Variants in AR observed in about 807,000 individuals in gnomAD.
AR encodes dihydrotestosterone receptor.
Under a neutral mutation model 53.9 loss-of-function variants are expected in AR, and 8 were observed. That is an observed-to-expected ratio of 0.15 (90% CI 0.09 to 0.27). The LOEUF is 0.27. Ranked by LOEUF, AR falls within the 10% of genes least tolerant of loss-of-function variation. AR has a pLI of 1.00. For missense variants in AR, 639 were observed against 742.5 expected, an observed-to-expected ratio of 0.86 and a Z score of 1.62; for synonymous variants, 359 against 316.4, an observed-to-expected ratio of 1.13 and a Z score of -1.43.
intron 1 of AR, among the ~76,000 whole-genome samples, chrX:67,588,912 A>G (rs988093311): frequency 7.1e-5 from 8 of 112,092 alleles, no homozygotes; most frequent in Non-Finnish European, 1.3e-4. Context: ...AAACTACAAT[A>G]ACACTCTGGG....
intron 1 of AR, among the ~76,000 whole-genome samples, chrX:67,589,269 CAAA>C (rs773313820): frequency 2.4e-5 from 1 of 41,131 alleles, no homozygotes; most frequent in Admixed American, 3.1e-4. Flanking sequence ...GACTCCGTCT[CAAA>C]AAAAAAAAAA....
chrX:67,646,730 C>A, intron 2 of AR, among the ~76,000 whole-genome samples: 1 of 111,078 alleles, frequency 9.0e-6, no homozygotes, highest in Middle Eastern at 4.7e-3. Context: ...TGTAAAACAA[C>A]GGACTTGAAC....
rs1449124242 is a variant in AR, at chrX:67,725,802, G to A, written c.*1961G>A. The A allele has an allele frequency of 5.7e-6, 1 of 175,747 alleles. No homozygotes were observed. Among genetic ancestry groups the A allele is most frequent in the East Asian group, 8.0e-5 (1 of 12,447 alleles). 14.5% of individuals were successfully genotyped at this position (175,747 alleles called of 1,213,427 possible). ...CTTTCGGAAAGGTCTGGTTGGTGTG[G>A]CTCCAATACTTTGCCACCCATGAAC... On this transcript the variant is annotated 3_prime_UTR_variant, in exon 8 of 8. Transcript: ENST00000374690.
At position 67,726,667 on chromosome X, in the gene AR, T is replaced by C. The variant is rs2076158809; in HGVS notation, c.*2826T>C. The stretch of plus-strand genomic sequence containing the variant: ...CACAAGCCTTTAGGCCTACTCTTTC[T>C]GTGCTTGGGTTTGAGTGAACAAAGG... On this transcript the variant is annotated 3_prime_UTR_variant, in exon 8 of 8. Coordinates refer to ENST00000374690, the MANE Select transcript of AR (RefSeq NM_000044.6). 5.7e-6 allele frequency: 1 copy of C among 174,834 alleles called. No homozygotes were observed. The highest frequency in any genetic ancestry group is 3.1e-4 in the South Asian group (1 of 3,244). 14.4% of individuals were successfully genotyped at this position (174,834 alleles called of 1,213,427 possible).
chrX:67,719,312 G>A (rs2076126342), intron 5 of AR, among the ~76,000 whole-genome samples: 1 of 112,137 alleles, frequency 8.9e-6, no homozygotes, highest in African/African-American at 3.2e-5. Context: ...AACCCCTGCT[G>A]CCCTTAAGCA....
At chrX:67,571,747 C>G (rs143979733) in intron 1 of AR, among the ~76,000 whole-genome samples, 1 of 109,733 alleles carries the variant, frequency 9.1e-6, no homozygotes, top group Non-Finnish European at 1.9e-5. Flanking sequence ...ATTGACATGA[C>G]AAAATTAAGT....
In AR at chrX:67,707,509, C is replaced by A. The variant is rs139129714; in HGVS notation, c.1886-3893C>A. 7.4e-3 allele frequency among the ~76,000 whole-genome samples: 822 copies of A among 111,586 alleles called. 5 individuals carry two copies. Among genetic ancestry groups the A allele is most frequent in the Non-Finnish European group, 0.011 (600 of 53,112 alleles). ...TTTGCTTGGTAGATCTTCCTCCATCCCTTTGTTTTGAGCCTATATGTGTCT... is the reference window on the plus strand; with the variant it reads ...TTTGCTTGGTAGATCTTCCTCCATCACTTTGTTTTGAGCCTATATGTGTCT... On this transcript the variant is annotated intron_variant, in intron 3 of 7. Coordinates refer to ENST00000374690, the MANE Select transcript of AR (RefSeq NM_000044.6).
chrX:67,673,369 G>C (rs201823717), intron 2 of AR, among the ~76,000 whole-genome samples: 3 of 97,604 alleles, frequency 3.1e-5, no homozygotes, highest in East Asian at 3.2e-4. Flanking sequence ...TTCTCTCTCT[G>C]TCTCTCTCTC....
intron 1 of AR, among the ~76,000 whole-genome samples, chrX:67,593,037 C>G (rs1159626507): frequency 8.9e-6 from 1 of 111,923 alleles, no homozygotes; most frequent in African/African-American, 3.3e-5. Flanking sequence ...CTGTTCTAAC[C>G]CTATCTACTT....
chrX:67,640,208 A>G (rs1200876298), intron 1 of AR, among the ~76,000 whole-genome samples: 1 of 111,105 alleles, frequency 9.0e-6, no homozygotes. Context: ...GTGCTGCTGG[A>G]TTGGGTTTGC....
intron 3 of AR, chrX:67,689,616 A>ATC: frequency 1.0e-6 from 1 of 962,421 alleles, no homozygotes; most frequent in Non-Finnish European, 1.3e-6. Context: ...TGGCTTCCTT[A>ATC]AAGACTACCT....
intron 1 of AR, among the ~76,000 whole-genome samples, chrX:67,594,748 G>A (rs1338386355): frequency 1.8e-5 from 2 of 111,618 alleles, no homozygotes; most frequent in Non-Finnish European, 3.8e-5. Context: ...AGGAGTTTAA[G>A]ACCAGCCTGG....
intron 3 of AR, among the ~76,000 whole-genome samples, chrX:67,688,435 C>T (rs181627676): frequency 6.3e-4 from 70 of 111,407 alleles, no homozygotes; most frequent in South Asian, 4.1e-3. Context: ...TAGCAAAATG[C>T]TAGACAAATA....
chrX:67,586,108 A>G (rs765370079), intron 1 of AR, among the ~76,000 whole-genome samples: 1 of 111,791 alleles, frequency 8.9e-6, no homozygotes, highest in African/African-American at 3.2e-5. Context: ...TGAATTACTC[A>G]GGATGAAATT....
chrX:67,648,355 G>T (rs2147443631), intron 2 of AR, among the ~76,000 whole-genome samples: 1 of 111,411 alleles, frequency 9.0e-6, no homozygotes, highest in Admixed American at 9.6e-5. Flanking sequence ...AACTATATAT[G>T]AATGAACTTT....
chrX:67,604,834 A>G (rs1240676027), intron 1 of AR, among the ~76,000 whole-genome samples: 4 of 111,890 alleles, frequency 3.6e-5, no homozygotes, highest in African/African-American at 1.3e-4. Context: ...TCTGAATGAC[A>G]CCTTCTCCCA....
chrX:67,708,281 A>G (rs991485222), intron 3 of AR, among the ~76,000 whole-genome samples: 12 of 111,495 alleles, frequency 1.1e-4, no homozygotes, highest in East Asian at 2.8e-4. Context: ...AGGTACACCA[A>G]TCAGATGTAG....
At chrX:67,685,800 A>G (rs1044217047) in intron 2 of AR, 4 of 500,690 alleles carry the variant, frequency 8.0e-6, no homozygotes, top group Non-Finnish European at 9.4e-6. Context: ...CCCTAAAAAA[A>G]ACACCAATGG....
At chrX:67,701,718 A>G (rs2076043379) in intron 3 of AR, among the ~76,000 whole-genome samples, 1 of 110,996 alleles carries the variant, frequency 9.0e-6, no homozygotes, top group African/African-American at 3.3e-5. Context: ...ACATGCACAC[A>G]CACCCTACTG....
Sources: gnomAD v4.1 joint callset for allele counts (sites outside exome capture counted in the v4.1 genomes callset) on GRCh38, gnomAD v4.1.1 for gene constraint, MANE v1.5 for transcripts, NCBI Gene and HGNC (gene_info 2026-07-23, HGNC 2026-07-21) for gene names.